Variants in HS6ST1 observed in about 807,000 individuals in gnomAD.
HS6ST1 encodes heparan sulfate 6-O-sulfotransferase 1.
Under a neutral mutation model 25.2 loss-of-function variants are expected in HS6ST1, and 3 were observed. That is an observed-to-expected ratio of 0.12 (90% CI 0.05 to 0.31). The LOEUF is 0.31. Among genes scored for constraint, HS6ST1 ranks in the 10% least tolerant of loss-of-function variants. The pLI is 1.00. For synonymous variants in HS6ST1, 204 were observed against 275.1 expected (o/e 0.74, Z 2.56); for missense variants, 310 against 609.6 (o/e 0.51, Z 5.18).
intron 1 of HS6ST1, among the ~76,000 whole-genome samples, chr2:128,286,354 C>A (rs1162041696): frequency 1.3e-5 from 2 of 152,210 alleles, no homozygotes; most frequent in Admixed American, 1.3e-4. Context: ...CACTAAAGAC[C>A]CAGGCAAGCA....
At chr2:128,304,051 T>G (rs773951123) in intron 1 of HS6ST1, among the ~76,000 whole-genome samples, 1 of 152,240 alleles carries the variant, frequency 6.6e-6, no homozygotes, top group African/African-American at 2.4e-5. Flanking sequence ...CTTTGGGCTC[T>G]GGGACCTAAC....
intron 1 of HS6ST1, among the ~76,000 whole-genome samples, chr2:128,312,738 C>T (rs766553794): frequency 7.2e-5 from 11 of 152,218 alleles, no homozygotes; most frequent in East Asian, 3.9e-4. Context: ...TAGCACTTTT[C>T]GGTGATTTAA....
intron 1 of HS6ST1, among the ~76,000 whole-genome samples, chr2:128,273,482 G>A (rs1257508691): frequency 1.3e-5 from 2 of 152,220 alleles, no homozygotes; most frequent in African/African-American, 2.4e-5. Context: ...ACCTACACCT[G>A]CCTGAACGGT....
At chr2:128,272,915 A>C (rs1693632456) in intron 1 of HS6ST1, among the ~76,000 whole-genome samples, 1 of 152,064 alleles carries the variant, frequency 6.6e-6, no homozygotes, top group Non-Finnish European at 1.5e-5. Flanking sequence ...CCTTCTGTGC[A>C]CAGGAGGTCT....
chr2:128,311,996 A>G (rs1200846084), intron 1 of HS6ST1, among the ~76,000 whole-genome samples: 1 of 152,244 alleles, frequency 6.6e-6, no homozygotes, highest in Non-Finnish European at 1.5e-5. Context: ...ACCTTTGCAG[A>G]GCCCAGAGCC....
chr2:128,308,333 T>A (rs1558880785), intron 1 of HS6ST1, among the ~76,000 whole-genome samples: 1 of 151,904 alleles, frequency 6.6e-6, no homozygotes, highest in Non-Finnish European at 1.5e-5. Context: ...ATGTAGGGGG[T>A]GATAGCAGCT....
chr2:128,280,332 G>C (rs1436363404), intron 1 of HS6ST1, among the ~76,000 whole-genome samples: 1 of 152,272 alleles, frequency 6.6e-6, no homozygotes, highest in Non-Finnish European at 1.5e-5. Flanking sequence ...CCACAAGGCC[G>C]GGCTGGCTGT....
At chr2:128,307,676 A>C (rs1432823501) in intron 1 of HS6ST1, among the ~76,000 whole-genome samples, 1 of 152,346 alleles carries the variant, frequency 6.6e-6, no homozygotes, top group East Asian at 1.9e-4. Context: ...GTAAGATGCT[A>C]TCTCTCTGCC....
chr2:128,270,487 C>T (rs1488007623), intron 1 of HS6ST1, among the ~76,000 whole-genome samples: 2 of 152,234 alleles, frequency 1.3e-5, no homozygotes, highest in Non-Finnish European at 2.9e-5. Flanking sequence ...GCACTCGGGG[C>T]CTCAAGGGCC....
chr2:128,312,226 G>C (rs1420657228), intron 1 of HS6ST1, among the ~76,000 whole-genome samples: 1 of 152,256 alleles, frequency 6.6e-6, no homozygotes, highest in Non-Finnish European at 1.5e-5. Flanking sequence ...GGCTGGGTGC[G>C]GCATACAGCC....
intron 1 of HS6ST1, among the ~76,000 whole-genome samples, chr2:128,313,670 G>A (rs1237391498): frequency 1.3e-5 from 2 of 152,072 alleles, no homozygotes; most frequent in Admixed American, 6.5e-5. Context: ...CCACTCCCCC[G>A]TGTGGCAGCC....
At chr2:128,292,544 G>GGGT (rs1693972582) in intron 1 of HS6ST1, among the ~76,000 whole-genome samples, 1 of 152,110 alleles carries the variant, frequency 6.6e-6, no homozygotes, top group African/African-American at 2.4e-5. Context: ...AGGATGTGGA[G>GGGT]GGTGGTGGTG....
At chr2:128,281,201 T>C (rs1287086595) in intron 1 of HS6ST1, among the ~76,000 whole-genome samples, 1 of 152,210 alleles carries the variant, frequency 6.6e-6, no homozygotes, top group Non-Finnish European at 1.5e-5. Flanking sequence ...GGCCAGCTGG[T>C]GCCTGCTGGC....
chr2:128,286,426 G>A (rs905276978), intron 1 of HS6ST1, among the ~76,000 whole-genome samples: 3 of 151,984 alleles, frequency 2.0e-5, no homozygotes, highest in African/African-American at 4.8e-5. Context: ...CTTGGAGGAC[G>A]AGGAGGAGCA....
intron 1 of HS6ST1, among the ~76,000 whole-genome samples, chr2:128,272,002 T>C (rs1339968565): frequency 2.0e-5 from 3 of 152,206 alleles, no homozygotes; most frequent in Non-Finnish European, 4.4e-5. Flanking sequence ...CCAGGTCCCC[T>C]GGGCGTTCAG....
At position 128,310,661 on chromosome 2, in the gene HS6ST1, G is replaced by A. The variant is rs201452486; in HGVS notation, c.527+7376C>T. Among the ~76,000 whole-genome samples, 92 of 152,232 alleles carry A rather than the reference G, an allele frequency of 6.0e-4. No homozygotes were observed. In the East Asian group the frequency reaches 0.017, roughly 28 times the overall value. Reference sequence around the variant, plus strand: ...GGACATCCTCCCTCTGCCCACCTGTGGATCCTAAATGTCCTCTAACAGCCT... The same window carrying A: ...GGACATCCTCCCTCTGCCCACCTGTAGATCCTAAATGTCCTCTAACAGCCT... On this transcript the variant is annotated intron_variant, in intron 1 of 1. Coordinates refer to ENST00000259241, the MANE Select transcript of HS6ST1 (RefSeq NM_004807.3).
chr2:128,295,670 T>C (rs980014118), intron 1 of HS6ST1, among the ~76,000 whole-genome samples: 5 of 152,294 alleles, frequency 3.3e-5, no homozygotes, highest in Admixed American at 3.3e-4. Flanking sequence ...TGATTATGTA[T>C]CATGACCAAG....
intron 1 of HS6ST1, among the ~76,000 whole-genome samples, chr2:128,313,442 G>A (rs1694319619): frequency 6.6e-6 from 1 of 152,142 alleles, no homozygotes; most frequent in Non-Finnish European, 1.5e-5. Flanking sequence ...TTTATATGAT[G>A]GCTTCAATTA....
At chr2:128,297,939 A>G (rs1362106256) in intron 1 of HS6ST1, among the ~76,000 whole-genome samples, 2 of 152,222 alleles carry the variant, frequency 1.3e-5, no homozygotes, top group Non-Finnish European at 2.9e-5. Context: ...TGTAAATCAT[A>G]TATCTGATAA....
Sources: allele counts gnomAD v4.1 joint callset (sites outside exome capture counted in the v4.1 genomes callset), GRCh38; gene constraint gnomAD v4.1.1; transcripts MANE v1.5; gene names NCBI Gene and HGNC (gene_info 2026-07-23, HGNC 2026-07-21).